The following CACNA2D3 variants were observed in gnomAD, a reference collection of about 807,000 sequenced individuals.
The protein encoded by CACNA2D3 is calcium voltage-gated channel auxiliary subunit alpha2delta 3.
CACNA2D3 carries 60 observed loss-of-function variants against 160.6 expected under a neutral mutation model. The observed-to-expected ratio is 0.37, with a 90% CI of 0.30 to 0.46. CACNA2D3 has a LOEUF of 0.46. Among genes scored for constraint, CACNA2D3 ranks in the 20% least tolerant of loss-of-function variants. The pLI, the probability that CACNA2D3 is intolerant of heterozygous loss-of-function variation, is 1.00. For synonymous variants in CACNA2D3, 558 were observed against 492.9 expected, an observed-to-expected ratio of 1.13 and a Z score of -1.75; for missense variants, 1,205 against 1,365.0, an observed-to-expected ratio of 0.88 and a Z score of 1.85.
rs1274159595 is a variant in CACNA2D3 at position 55,022,165 on chromosome 3, A to C, written c.2987+3848A>C. On this transcript the variant is annotated intron_variant, in intron 35 of 37. Transcript: ENST00000474759. The stretch of plus-strand genomic sequence containing the variant: ...TTACTTACCATGGACATCCCTGTTC[A>C]TGATTATTATAGCTGCCTAAGAAAT... 2.0e-5 allele frequency among the ~76,000 whole-genome samples: 3 copies of C among 152,016 alleles called. No individual in the cohort carries two copies. The East Asian group carries it at 5.8e-4, about 29-fold the overall frequency.
chr3:54,358,156 C>T (rs1434554677), intron 3 of CACNA2D3, among the ~76,000 whole-genome samples: 2 of 152,058 alleles, frequency 1.3e-5, no homozygotes, highest in Non-Finnish European at 2.9e-5. Context: ...GTGGATGAGA[C>T]AAGGTGATAT....
chr3:55,025,908 G>T, intron 35 of CACNA2D3, among the ~76,000 whole-genome samples: 1 of 151,978 alleles, frequency 6.6e-6, no homozygotes, highest in East Asian at 1.9e-4. Flanking sequence ...CCGGGAGTCT[G>T]GGTGGGGACA....
chr3:54,239,068 A>G (rs2107404998), intron 2 of CACNA2D3, among the ~76,000 whole-genome samples: 1 of 152,334 alleles, frequency 6.6e-6, no homozygotes, highest in East Asian at 1.9e-4. Context: ...TTATTATTTC[A>G]TATGTAAAAA....
chr3:54,276,683 G>T (rs1312006302), intron 2 of CACNA2D3, among the ~76,000 whole-genome samples: 1 of 152,190 alleles, frequency 6.6e-6, no homozygotes, highest in African/African-American at 2.4e-5. Context: ...AGGAATTAGG[G>T]AGGGGATGAG....
chr3:54,216,918 T>G (rs958553949), intron 2 of CACNA2D3, among the ~76,000 whole-genome samples: 1 of 152,098 alleles, frequency 6.6e-6, no homozygotes, highest in African/African-American at 2.4e-5. Flanking sequence ...AACTTCTGTT[T>G]GGTGGGGGGA....
chr3:54,304,320 G>A (rs1703548563), intron 2 of CACNA2D3, among the ~76,000 whole-genome samples: 1 of 152,112 alleles, frequency 6.6e-6, no homozygotes, highest in East Asian at 1.9e-4. Flanking sequence ...ATGGGTCTCA[G>A]TGTGTTTGTA....
intron 11 of CACNA2D3, among the ~76,000 whole-genome samples, chr3:54,729,408 C>T (rs1371676754): frequency 6.6e-6 from 1 of 152,178 alleles, no homozygotes; most frequent in Non-Finnish European, 1.5e-5. Flanking sequence ...ATTCATCTGA[C>T]AGTACATAGT....
intron 2 of CACNA2D3, among the ~76,000 whole-genome samples, chr3:54,167,414 G>A (rs1467333017): frequency 6.6e-6 from 1 of 152,076 alleles, no homozygotes; most frequent in Admixed American, 6.6e-5. Context: ...ATCTTCCAGC[G>A]GGTTCCTTAT....
intron 4 of CACNA2D3, among the ~76,000 whole-genome samples, chr3:54,488,942 A>G (rs1178673467): frequency 6.6e-6 from 1 of 152,154 alleles, no homozygotes; most frequent in Non-Finnish European, 1.5e-5. Context: ...AGCTGAATCC[A>G]AGGAGGAACC....
At chr3:54,644,162 C>T (rs900536334) in intron 11 of CACNA2D3, among the ~76,000 whole-genome samples, 2 of 152,072 alleles carry the variant, frequency 1.3e-5, no homozygotes, top group East Asian at 1.9e-4. Flanking sequence ...ATTCTCCAGA[C>T]AAAACACAAA....
intron 9 of CACNA2D3, among the ~76,000 whole-genome samples, chr3:54,622,047 C>T (rs1698998361): frequency 6.6e-6 from 1 of 152,118 alleles, no homozygotes; most frequent in African/African-American, 2.4e-5. Context: ...CTTACTCAGG[C>T]TTGTAGAGAG....
intron 9 of CACNA2D3, among the ~76,000 whole-genome samples, chr3:54,606,424 G>A (rs1698626573): frequency 6.6e-6 from 1 of 152,084 alleles, no homozygotes; most frequent in African/African-American, 2.4e-5. Flanking sequence ...ACAGAGGATG[G>A]TGGCTCACCC....
chr3:54,663,112 A>G (rs1400569488), intron 11 of CACNA2D3, among the ~76,000 whole-genome samples: 2 of 152,254 alleles, frequency 1.3e-5, no homozygotes, highest in Non-Finnish European at 2.9e-5. Context: ...TTGATGGGAC[A>G]TGAGGCCTCA....
chr3:54,149,331 A>G (rs914833709), intron 2 of CACNA2D3, among the ~76,000 whole-genome samples: 1 of 151,534 alleles, frequency 6.6e-6, no homozygotes, highest in Non-Finnish European at 1.5e-5. Flanking sequence ...GCATAAATCT[A>G]TGCTACCTCC....
chr3:54,956,739 G>A (rs1701905579), intron 27 of CACNA2D3, among the ~76,000 whole-genome samples: 2 of 152,032 alleles, frequency 1.3e-5, no homozygotes. Flanking sequence ...ATTACCTAGG[G>A]GAAGACAGAA....
At chr3:54,590,794 A>C (rs1372718797) in intron 9 of CACNA2D3, among the ~76,000 whole-genome samples, 1 of 152,092 alleles carries the variant, frequency 6.6e-6, no homozygotes, top group Non-Finnish European at 1.5e-5. Context: ...TTACCTCAAA[A>C]TAAAAAGTGT....
At chr3:54,994,357 A>C (rs981305418) in intron 31 of CACNA2D3, among the ~76,000 whole-genome samples, 1 of 152,008 alleles carries the variant, frequency 6.6e-6, no homozygotes, top group South Asian at 2.1e-4. Context: ...ATACTCAACA[A>C]CTCATGTAAT....
chr3:54,174,053 A>T (rs1700621058), intron 2 of CACNA2D3, among the ~76,000 whole-genome samples: 1 of 152,228 alleles, frequency 6.6e-6, no homozygotes, highest in Non-Finnish European at 1.5e-5. Flanking sequence ...AAAGAGATGG[A>T]TAATAAATAG....
At chr3:54,286,804 A>G (rs1703040346) in intron 2 of CACNA2D3, among the ~76,000 whole-genome samples, 1 of 152,106 alleles carries the variant, frequency 6.6e-6, no homozygotes, top group African/African-American at 2.4e-5. Context: ...TTTTCAACCC[A>G]GAATTTCATA....
Sources: allele counts gnomAD v4.1 joint callset (sites outside exome capture counted in the v4.1 genomes callset), GRCh38; gene constraint gnomAD v4.1.1; transcripts MANE v1.5; gene names NCBI Gene and HGNC (gene_info 2026-07-23, HGNC 2026-07-21).